Variants in NRG3 observed in about 807,000 individuals in gnomAD.
NRG3 encodes the protein pro-neuregulin-3, membrane-bound isoform.
A neutral mutation model predicts 66.9 loss-of-function variants in NRG3; 31 were observed. That is an observed-to-expected ratio of 0.46 (90% CI 0.35 to 0.63). The LOEUF (loss-of-function observed/expected upper bound fraction) is 0.63, where lower values mean the gene tolerates loss of function less well. NRG3 is among the 20% of genes least tolerant of loss of function. The pLI is 0.00. For synonymous variants in NRG3, 393 were observed against 359.4 expected, an observed-to-expected ratio of 1.09 and a Z score of -1.06; for missense variants, 910 against 878.9, an observed-to-expected ratio of 1.04 and a Z score of -0.45.
intron 1 of NRG3, among the ~76,000 whole-genome samples, chr10:82,224,048 G>T (rs993335707): frequency 1.3e-5 from 2 of 152,148 alleles, no homozygotes; most frequent in Non-Finnish European, 2.9e-5. Context: ...TCTATCCAGG[G>T]ATGCCACCAT....
At chr10:82,949,095 A>G (rs1302004244) in intron 4 of NRG3, among the ~76,000 whole-genome samples, 1 of 152,150 alleles carries the variant, frequency 6.6e-6, no homozygotes, top group Non-Finnish European at 1.5e-5. Context: ...AGTTTTAATC[A>G]AGAATGAATA....
intron 1 of NRG3, among the ~76,000 whole-genome samples, chr10:81,927,098 A>G (rs1846878476): frequency 6.6e-6 from 1 of 152,220 alleles, no homozygotes; most frequent in South Asian, 2.1e-4. Context: ...ATAAATTACT[A>G]GAGAATTTTT....
chr10:82,739,418 T>C (rs2058311402), intron 3 of NRG3, among the ~76,000 whole-genome samples: 1 of 152,224 alleles, frequency 6.6e-6, no homozygotes, highest in South Asian at 2.1e-4. Context: ...GTGAGGATAA[T>C]GATAGGCATT....
At chr10:82,445,486 TG>T (rs1164761252) in intron 2 of NRG3, among the ~76,000 whole-genome samples, 1 of 152,230 alleles carries the variant, frequency 6.6e-6, no homozygotes, top group East Asian at 1.9e-4. Context: ...GTAATAAGCA[TG>T]CCTTCTTAGG....
intron 1 of NRG3, among the ~76,000 whole-genome samples, chr10:82,268,870 A>G (rs2078443526): frequency 6.6e-6 from 1 of 151,984 alleles, no homozygotes; most frequent in Admixed American, 6.6e-5. Flanking sequence ...ACACTGCATT[A>G]TTTTCCATGT....
At chr10:82,024,496 A>G (rs927574256) in intron 1 of NRG3, among the ~76,000 whole-genome samples, 3 of 152,010 alleles carry the variant, frequency 2.0e-5, no homozygotes, top group Non-Finnish European at 4.4e-5. Context: ...TTAAAAGTTT[A>G]CATGTGGTTT....
chr10:82,120,706 A>G (rs2068029975), intron 1 of NRG3, among the ~76,000 whole-genome samples: 1 of 152,152 alleles, frequency 6.6e-6, no homozygotes, highest in Admixed American at 6.6e-5. Flanking sequence ...TTGCACAGAA[A>G]ACCAGGATAA....
chr10:82,193,408 G>T (rs1348570892), intron 1 of NRG3, among the ~76,000 whole-genome samples: 1 of 152,204 alleles, frequency 6.6e-6, no homozygotes, highest in Non-Finnish European at 1.5e-5. Flanking sequence ...CTCCCAAAGT[G>T]CTGGGATTAC....
At chr10:82,319,260 AG>A (rs2081438062) in intron 1 of NRG3, among the ~76,000 whole-genome samples, 2 of 152,374 alleles carry the variant, frequency 1.3e-5, no homozygotes, top group South Asian at 4.1e-4. Flanking sequence ...TACAGACAGC[AG>A]CAGGTGGAAC....
chr10:82,643,088 T>C lies in NRG3; in HGVS notation c.954-95489T>C, dbSNP rs530455018. 6.6e-5 allele frequency among the ~76,000 whole-genome samples: 10 copies of C among 152,248 alleles called. No homozygotes were observed. In the East Asian group the frequency reaches 1.9e-3, roughly 29 times the overall value. ...TTTAATAATAAAATATTTTAAAATA[T>C]ACTGACTTTTCTTTCTTATAACAAA... On this transcript the variant is annotated intron_variant, in intron 2 of 8. Transcript: ENST00000372141.
At chr10:82,377,460 G>A (rs575121297) in intron 2 of NRG3, among the ~76,000 whole-genome samples, 8 of 151,686 alleles carry the variant, frequency 5.3e-5, no homozygotes, top group East Asian at 1.9e-4. Context: ...GTGTGTGTGC[G>A]CGAGCGCACA....
At chr10:82,322,416 A>T (rs541322385) in intron 1 of NRG3, among the ~76,000 whole-genome samples, 1 of 152,354 alleles carries the variant, frequency 6.6e-6, no homozygotes, top group Admixed American at 6.5e-5. Flanking sequence ...ATATGAGATT[A>T]AAAAAATCTT....
chr10:82,037,587 A>G (rs1201329025), intron 1 of NRG3, among the ~76,000 whole-genome samples: 1 of 152,144 alleles, frequency 6.6e-6, no homozygotes, highest in African/African-American at 2.4e-5. Flanking sequence ...TAATAAACTC[A>G]TGGTCTTTTA....
At chr10:82,066,640 C>A (rs1409237847) in intron 1 of NRG3, among the ~76,000 whole-genome samples, 1 of 152,146 alleles carries the variant, frequency 6.6e-6, no homozygotes. Context: ...AGATCCATGT[C>A]TGCTGAGTAC....
At chr10:82,399,685 A>G (rs1221253322) in intron 2 of NRG3, among the ~76,000 whole-genome samples, 1 of 152,162 alleles carries the variant, frequency 6.6e-6, no homozygotes, top group Non-Finnish European at 1.5e-5. Flanking sequence ...TTACCCACAA[A>G]AGCTTCGCCT....
chr10:82,055,476 CA>C (rs35438768), intron 1 of NRG3, among the ~76,000 whole-genome samples: 31,013 of 115,574 alleles, frequency 0.27, 2,987 homozygotes, highest in Middle Eastern at 0.34. Flanking sequence ...GACTCCGTCT[CA>C]AAAAAAAAAA....
At chr10:82,024,531 C>T (rs907656309) in intron 1 of NRG3, among the ~76,000 whole-genome samples, 7 of 151,928 alleles carry the variant, frequency 4.6e-5, no homozygotes, top group African/African-American at 1.7e-4. Context: ...TTAAACAGTG[C>T]TGCCTAAGAT....
chr10:82,630,928 T>C (rs1565146344), intron 2 of NRG3, among the ~76,000 whole-genome samples: 1 of 152,196 alleles, frequency 6.6e-6, no homozygotes, highest in Non-Finnish European at 1.5e-5. Flanking sequence ...ACTTTTTTTC[T>C]TTAAATTATA....
intron 3 of NRG3, among the ~76,000 whole-genome samples, chr10:82,786,393 G>A (rs1228777625): frequency 6.6e-6 from 1 of 152,270 alleles, no homozygotes; most frequent in South Asian, 2.1e-4. Context: ...GGTTTTTGTT[G>A]TTGGGTTTAG....
Sources: gnomAD v4.1 joint callset for allele counts (sites outside exome capture counted in the v4.1 genomes callset) on GRCh38, gnomAD v4.1.1 for gene constraint, MANE v1.5 for transcripts, NCBI Gene and HGNC (gene_info 2026-07-23, HGNC 2026-07-21) for gene names.